TMEM63A: variants seen among roughly 807,000 people sequenced by gnomAD.
The protein encoded by TMEM63A is mechanosensitive cation channel TMEM63A.
Under a neutral mutation model 100.6 loss-of-function variants are expected in TMEM63A, and 76 were observed. The ratio of observed to expected loss-of-function variants is 0.76; its 90% CI spans 0.63 to 0.91. TMEM63A has a LOEUF of 0.91. Among genes scored for constraint, TMEM63A ranks in the 40% least tolerant of loss-of-function variants. TMEM63A has a pLI of 0.00. For synonymous variants in TMEM63A, 401 were observed against 401.1 expected (o/e 1.00, Z 0.00); for missense variants, 876 against 1,008.8 (o/e 0.87, Z 1.78).
Position 225,853,459 on chromosome 1 carries a change from C to T in TMEM63A, c.1797+170G>A, listed in dbSNP as rs1047759293. ...CTAGAGAGGAGGCTGGAGGAGGCCACGCCTGCCTGGACCCGGGTTTGAGAA... is the reference window on the plus strand; with the variant it reads ...CTAGAGAGGAGGCTGGAGGAGGCCATGCCTGCCTGGACCCGGGTTTGAGAA... On this transcript the variant is annotated intron_variant, in intron 19 of 24. Transcript: ENST00000366835. The surrounding 1 kb of genome is among the most constrained non-coding windows in gnomAD (Gnocchi z 4.0). 2.6e-5 allele frequency among the ~76,000 whole-genome samples: 4 copies of T among 152,168 alleles called. No individual in the cohort carries two copies. The highest frequency in any genetic ancestry group is 1.9e-4 in the East Asian group (1 of 5,188).
intron 14 of TMEM63A, 179 bp from the exon 15 acceptor site, chr1:225,859,528 T>A: frequency 1.4e-6 from 1 of 732,230 alleles, no homozygotes; most frequent in Non-Finnish European, 2.2e-6. Context: ...AGGGAACAAT[T>A]ATTCTCTCAG....
rs956609490 is a variant in TMEM63A, at chr1:225,867,822, A to T, written c.514+66T>A. 9.4e-6 allele frequency: 15 copies of T among 1,599,100 alleles called. No homozygotes were observed. Among genetic ancestry groups the T allele is most frequent in the Middle Eastern group, 3.6e-4 (2 of 5,612 alleles). Reference sequence around the variant, plus strand: ...CCTGGGGTTCTGGTCTACCACAGTGAGCCCTTTCCCTAGGACTGCCACTCT... The same window carrying T: ...CCTGGGGTTCTGGTCTACCACAGTGTGCCCTTTCCCTAGGACTGCCACTCT... On this transcript the variant is annotated intron_variant, in intron 7 of 24. Coordinates refer to ENST00000366835, the MANE Select transcript of TMEM63A (RefSeq NM_014698.3). This position sits in a 1 kb window ranked among gnomAD's most constrained non-coding sequence, Gnocchi z 4.6.
chr1:225,845,372 ACCTCCC>A (rs1668880721), downstream of TMEM63A: 1 of 1,320,430 alleles, frequency 7.6e-7, no homozygotes, highest in African/African-American at 2.4e-5. Context: ...CCCGCCTGCC[ACCTCCC>A]CCCACAAGTG....
downstream of TMEM63A, chr1:225,845,381 C>G (rs201119273): frequency 1.9e-4 from 288 of 1,542,698 alleles, no homozygotes; most frequent in South Asian, 6.1e-4. Flanking sequence ...CACCTCCCCC[C>G]ACAAGTGCCC....
In TMEM63A at chr1:225,867,951, C is replaced by T. The variant is rs968416881; in HGVS notation, c.451G>A (p.Val151Met). The T allele has an allele frequency of 3.1e-6, 5 of 1,614,012 alleles. No homozygotes were observed. Among genetic ancestry groups the T allele is most frequent in the Non-Finnish European group, 4.2e-6 (5 of 1,180,042 alleles). ...CACAGGGACAAAAAGCTGACCACCA[C>T]CAACAGGAAGATGATGTGCCTCTGG... Reference protein sequence around the residue: ...SFQRHIIFLLVVVSFLSLCVI... With the variant: ...SFQRHIIFLLMVVSFLSLCVI... The change falls in exon 7 of 25, where the codon GTG becomes ATG. Residue 151 changes from valine to methionine, a missense_variant. Around this residue, in one of 5 missense-constraint regions of TMEM63A, gnomAD observed 487 missense variants for 581.9 expected, o/e 0.84. Transcript: ENST00000366835. This position sits in a 1 kb window ranked among gnomAD's most constrained non-coding sequence, Gnocchi z 4.6.
downstream of TMEM63A, chr1:225,844,360 G>A: frequency 7.4e-7 from 1 of 1,344,072 alleles, no homozygotes; most frequent in Non-Finnish European, 1.1e-6. Flanking sequence ...GTGACACGAG[G>A]ATACCACACA....
chr1:225,844,705 TTGG>T, downstream of TMEM63A: 1 of 1,587,316 alleles, frequency 6.3e-7, no homozygotes, highest in Non-Finnish European at 8.5e-7. Flanking sequence ...CGAAGGGCAC[TTGG>T]TGGTGGGATA....
chr1:225,866,386 C>T (rs1003176192), intron 9 of TMEM63A, 188 bp downstream of exon 9: 30 of 583,724 alleles, frequency 5.1e-5, no homozygotes, highest in Non-Finnish European at 8.5e-5. Context: ...AATCTTGAAA[C>T]AATCCACCAG....
chr1:225,859,649 G>GTTTTTT (rs57486744), intron 14 of TMEM63A: 74 of 268,782 alleles, frequency 2.8e-4, no homozygotes, highest in South Asian at 6.7e-4. Flanking sequence ...TTCTTTTTCT[G>GTTTTTT]TTTTTTTTTT....
At chr1:225,845,212 G>A (rs1668854466), downstream of TMEM63A, 1 of 1,614,162 alleles carries the variant, frequency 6.2e-7, no homozygotes, top group Non-Finnish European at 8.5e-7. Flanking sequence ...CGCCTGAAAA[G>A]TGGGTGAGGT....
intron 15 of TMEM63A, among the ~76,000 whole-genome samples, chr1:225,858,793 G>GC (rs78552750): frequency 0.04 from 6,071 of 152,152 alleles, 199 homozygotes; most frequent in East Asian, 0.15. Flanking sequence ...CAGGAGCCCT[G>GC]CATGGGTGCC....
At position 225,879,416 on chromosome 1, in the gene TMEM63A, G is replaced by A. The variant is rs928386423; in HGVS notation, c.-205-6C>T. The A allele has an allele frequency of 6.6e-6, 1 of 152,470 alleles. No individual in the cohort carries two copies. The highest frequency in any genetic ancestry group is 1.5e-5 in the Non-Finnish European group (1 of 68,246). The allele number at this position is 152,470 out of a possible 1,614,324, so 9.4% of individuals were successfully genotyped here. A position where few individuals can be genotyped will look rare whatever the true frequency, so the allele number is the denominator to read the frequency against. ...GTACCAAACTGTAGACTTTCCTGAA[G>A]GATCACAGACACCAAGCATCACATG... On this transcript the variant is annotated splice_region_variant and splice_polypyrimidine_tract_variant and intron_variant, in intron 1 of 24. Coordinates refer to ENST00000366835, the MANE Select transcript of TMEM63A (RefSeq NM_014698.3).
At chr1:225,844,412 C>T, downstream of TMEM63A, 1 of 1,607,056 alleles carries the variant, frequency 6.2e-7, no homozygotes, top group Non-Finnish European at 8.5e-7. Context: ...TGGGCAGGGC[C>T]TGGCATTTGT....
chr1:225,858,522 G>C (rs576133369), intron 15 of TMEM63A, among the ~76,000 whole-genome samples: 2 of 152,000 alleles, frequency 1.3e-5, no homozygotes, highest in South Asian at 2.1e-4. Context: ...ATGGGGTTGT[G>C]CCATGTTGGC....
Position 225,853,173 on chromosome 1 carries a change from G to A in TMEM63A, c.1798-404C>T, listed in dbSNP as rs1055572668. Among the ~76,000 whole-genome samples, 1 of 152,150 alleles carries A rather than the reference G, an allele frequency of 6.6e-6. No homozygotes were observed. Among genetic ancestry groups the A allele is most frequent in the Non-Finnish European group, 1.5e-5 (1 of 68,032 alleles). ...GGGGCTGAGAATGAAATGAAGGAAT[G>A]CAGCACTTCTCCCACTTTCCTCGCA... On this transcript the variant is annotated intron_variant, in intron 19 of 24. Coordinates refer to ENST00000366835, the MANE Select transcript of TMEM63A (RefSeq NM_014698.3). This position sits in a 1 kb window ranked among gnomAD's most constrained non-coding sequence, Gnocchi z 4.0.
chr1:225,872,121 A>G, intron 4 of TMEM63A, 68 bp from the exon 5 acceptor site: 1 of 1,229,532 alleles, frequency 8.1e-7, no homozygotes, highest in Non-Finnish European at 1.2e-6. Context: ...AACAAGTCAA[A>G]AAGATCACAT....
intron 21 of TMEM63A, 25 bp downstream of exon 21, chr1:225,849,887 G>T (rs764751561): frequency 6.2e-7 from 1 of 1,610,426 alleles, no homozygotes; most frequent in Non-Finnish European, 8.5e-7. Flanking sequence ...CCAAGGGCTG[G>T]CCCCAGGTCA....
chr1:225,868,088 T>C, intron 6 of TMEM63A, 58 bp from the exon 7 acceptor site: 3 of 1,599,704 alleles, frequency 1.9e-6, no homozygotes, highest in Non-Finnish European at 1.7e-6. Context: ...GGGCTCTGCA[T>C]GAAGTGTCTC....
In TMEM63A at chr1:225,867,523, A is replaced by G. The variant is rs546694334; in HGVS notation, c.515-360T>C. Among the ~76,000 whole-genome samples the G allele has an allele frequency of 1.4e-4, 22 of 152,304 alleles. No homozygotes were observed. The East Asian group carries it at 4.0e-3, about 28-fold the overall frequency. Reference sequence around the variant, plus strand: ...TGGATTCTTGCAGTTGCCCTTAGATATAATGCCACACCCTGATTTTAATTA... The same window carrying G: ...TGGATTCTTGCAGTTGCCCTTAGATGTAATGCCACACCCTGATTTTAATTA... On this transcript the variant is annotated intron_variant, in intron 7 of 24. Transcript: ENST00000366835. This position sits in a 1 kb window ranked among gnomAD's most constrained non-coding sequence, Gnocchi z 4.6.
Sources: gnomAD v4.1 joint callset for allele counts (sites outside exome capture counted in the v4.1 genomes callset) on GRCh38, gnomAD v4.1.1 for gene constraint, gnomAD v4.1.1 regional missense constraint, Gnocchi (gnomAD v3.1) non-coding constraint, MANE v1.5 for transcripts, NCBI Gene and HGNC (gene_info 2026-07-23, HGNC 2026-07-21) for gene names.